The following STAMBP variants were observed in gnomAD, a reference collection of about 807,000 sequenced individuals.
STAMBP encodes STAM-binding protein.
STAMBP carries 31 observed loss-of-function variants against 50.7 expected under a neutral mutation model. That is an observed-to-expected ratio of 0.61 (90% confidence interval 0.46 to 0.83). The LOEUF is 0.83. STAMBP is among the 40% of genes least tolerant of loss of function. The pLI, the probability that STAMBP is intolerant of heterozygous loss-of-function variation, is 0.00. For missense variants in STAMBP, 472 were observed against 518.9 expected (o/e 0.91, Z 0.88); for synonymous variants, 211 against 192.4 (o/e 1.10, Z -0.80).
chr2:73,843,418 A>G (rs1020777113), intron 2 of STAMBP, among the ~76,000 whole-genome samples: 2 of 142,632 alleles, frequency 1.4e-5, no homozygotes, highest in Non-Finnish European at 3.0e-5. Context: ...ATATATATAT[A>G]TGTATATATA....
Position 73,864,442 on chromosome 2 carries a change from A to T in STAMBP, c.*2183A>T, listed in dbSNP as rs1678678248. The T allele has an allele frequency of 6.6e-6, 1 of 152,250 alleles. No homozygotes were observed. The allele number at this position is 152,250 out of a possible 1,614,324, so 9.4% of individuals were successfully genotyped here. On this transcript the variant is annotated 3_prime_UTR_variant, in exon 10 of 10. Coordinates refer to ENST00000394070, the MANE Select transcript of STAMBP (RefSeq NM_213622.4). The stretch of plus-strand genomic sequence containing the variant: ...TAGCCACTGCAGAGGCACTCTGCAT[A>T]GGATGGTCTAAGTGTCTCTGTCTTC...
chr2:73,833,523 G>T (rs1029895595), intron 2 of STAMBP, among the ~76,000 whole-genome samples: 9 of 151,672 alleles, frequency 5.9e-5, no homozygotes, highest in Non-Finnish European at 8.8e-5. Flanking sequence ...TTGGTAGAAA[G>T]AATATTCTTA....
chr2:73,841,551 CT>C (rs1304956910), intron 2 of STAMBP, among the ~76,000 whole-genome samples: 1 of 151,536 alleles, frequency 6.6e-6, no homozygotes, highest in Non-Finnish European at 1.5e-5. Context: ...AATGCAAGGA[CT>C]TTTTTGCTTA....
chr2:73,843,558 C>T (rs12623504), intron 2 of STAMBP, among the ~76,000 whole-genome samples: 7,443 of 151,896 alleles, frequency 0.049, 334 homozygotes, highest in African/African-American at 0.1. Flanking sequence ...CATGAGCCAC[C>T]GCACCCAGCC....
chr2:73,870,617 T>C (rs1055166996), downstream of STAMBP, among the ~76,000 whole-genome samples: 5 of 152,174 alleles, frequency 3.3e-5, no homozygotes, highest in Admixed American at 2.6e-4. Context: ...TATTGGTGGG[T>C]GACAGAAGTG....
At chr2:73,845,891 C>G (rs1275763879) in intron 4 of STAMBP, among the ~76,000 whole-genome samples, 1 of 152,230 alleles carries the variant, frequency 6.6e-6, no homozygotes, top group Non-Finnish European at 1.5e-5. Flanking sequence ...CTCGGCCTTC[C>G]AAAGTGCTGG....
At chr2:73,832,858 G>A (rs1012556800) in intron 2 of STAMBP, among the ~76,000 whole-genome samples, 4 of 152,196 alleles carry the variant, frequency 2.6e-5, no homozygotes, top group African/African-American at 7.2e-5. Flanking sequence ...GAAAGTATGC[G>A]GAAGAATGGA....
At chr2:73,846,001 C>G (rs1001960114) in intron 4 of STAMBP, among the ~76,000 whole-genome samples, 1 of 152,202 alleles carries the variant, frequency 6.6e-6, no homozygotes, top group African/African-American at 2.4e-5. Context: ...TGCCAGGGCG[C>G]TGTCAGTGGC....
rs1387120280 is a variant in STAMBP, at chr2:73,847,696, A to G, written c.685A>G (p.Lys229Glu). The G allele has an allele frequency of 6.2e-7, 1 of 1,614,190 alleles. No homozygotes were observed. The change falls in exon 5 of 10, where the codon AAG becomes GAG. Residue 229 changes from lysine (K) to glutamate (E), a missense_variant. Physicochemically the swap from Lys to Glu is moderately conservative, Grantham distance 56. Transcript: ENST00000394070. ...CTGTCACACAACTGTAAGGCCAGCT[A>G]AGCCACCTGTGGTGGACAGGTCCTT... ...SDCHTTVRPA[K>E]PPVVDRSLKP...
At chr2:73,833,633 GA>G (rs1674227783) in intron 2 of STAMBP, among the ~76,000 whole-genome samples, 1 of 152,080 alleles carries the variant, frequency 6.6e-6, no homozygotes, top group South Asian at 2.1e-4. Context: ...TAGAATCATG[GA>G]ATCACTGCAC....
rs1678438786 is a variant in STAMBP at position 73,862,389 on chromosome 2, A to G, written c.*130A>G. On this transcript the variant is annotated 3_prime_UTR_variant, in exon 10 of 10. Coordinates refer to ENST00000394070, the MANE Select transcript of STAMBP (RefSeq NM_213622.4). ...GAAAGGGGGGCATCACCTGAGAAAG[A>G]GCTGATTTTGTATTTCAGGTTTGAA... 1.7e-6 allele frequency: 1 copy of G among 596,774 alleles called. No individual in the cohort carries two copies. Among genetic ancestry groups the G allele is most frequent in the South Asian group, 5.5e-5 (1 of 18,206 alleles). The allele number at this position is 596,774 out of a possible 1,614,324, so 37.0% of individuals were successfully genotyped here. A position where few individuals can be genotyped will look rare whatever the true frequency, so the allele number is the denominator to read the frequency against.
chr2:73,848,007 T>C (rs1365423458), intron 5 of STAMBP, among the ~76,000 whole-genome samples: 1 of 152,174 alleles, frequency 6.6e-6, no homozygotes, highest in African/African-American at 2.4e-5. Flanking sequence ...AACTTTTTAG[T>C]GAAAGGAAAA....
At chr2:73,847,954 G>A (rs947451310) in intron 5 of STAMBP, among the ~76,000 whole-genome samples, 1 of 152,152 alleles carries the variant, frequency 6.6e-6, no homozygotes, top group Non-Finnish European at 1.5e-5. Context: ...TAGTCTGGTC[G>A]ATTTTCTGAA....
At chr2:73,871,046 A>T (rs1679178173), downstream of STAMBP, among the ~76,000 whole-genome samples, 1 of 152,100 alleles carries the variant, frequency 6.6e-6, no homozygotes, top group South Asian at 2.1e-4. Context: ...CTGGGATTAC[A>T]GGTGTGAGCC....
intron 1 of STAMBP, among the ~76,000 whole-genome samples, chr2:73,829,944 T>G (rs1010961138): frequency 5.9e-5 from 9 of 152,212 alleles, no homozygotes; most frequent in Admixed American, 1.3e-4. Context: ...TCTACTGTAG[T>G]TTGTGTATTC....
chr2:73,851,262 G>T (rs1378165942), intron 7 of STAMBP, among the ~76,000 whole-genome samples: 2 of 152,144 alleles, frequency 1.3e-5, no homozygotes, highest in South Asian at 2.1e-4. Flanking sequence ...TTGATGATTT[G>T]CCTATTATTG....
intron 2 of STAMBP, among the ~76,000 whole-genome samples, chr2:73,832,628 C>T (rs527487333): frequency 1.3e-5 from 2 of 152,284 alleles, no homozygotes; most frequent in African/African-American, 4.8e-5. Context: ...TCCTCTAAAG[C>T]AGGGCTTTTC....
chr2:73,862,334 A>G lies in STAMBP; in HGVS notation c.*75A>G. ...TGTAGCCCCTTAATTTAAGCTTTCT[A>G]GAAAGCTTTGGAAGTTTTTGTAGAT... On this transcript the variant is annotated 3_prime_UTR_variant, in exon 10 of 10. Coordinates refer to ENST00000394070, the MANE Select transcript of STAMBP (RefSeq NM_213622.4). The G allele has an allele frequency of 7.1e-7, 1 of 1,413,024 alleles. No homozygotes were observed. The highest frequency in any genetic ancestry group is 9.5e-7 in the Non-Finnish European group (1 of 1,047,852). The allele number at this position is 1,413,024 out of a possible 1,614,324, so 87.5% of individuals were successfully genotyped here.
intron 6 of STAMBP, 70 bp downstream of exon 6, chr2:73,849,557 A>C (rs775403786): frequency 5.3e-6 from 8 of 1,514,876 alleles, no homozygotes; most frequent in Non-Finnish European, 7.0e-6. Context: ...GCATCCTGTG[A>C]CTCTCAGAGA....
Sources: allele counts gnomAD v4.1 joint callset (sites outside exome capture counted in the v4.1 genomes callset), GRCh38; gene constraint gnomAD v4.1.1; transcripts MANE v1.5; gene names NCBI Gene and HGNC (gene_info 2026-07-23, HGNC 2026-07-21).